PPP1R3B: variants seen among roughly 807,000 people sequenced by gnomAD.
The protein encoded by PPP1R3B is protein phosphatase 1 regulatory subunit 3B, also known as PP1 subunit R4.
A neutral mutation model predicts 14.6 loss-of-function variants in PPP1R3B; 8 were observed. The observed-to-expected ratio is 0.55, with a 90% CI of 0.32 to 0.99. PPP1R3B has a LOEUF of 0.99. Ranked by LOEUF, PPP1R3B falls within the 50% of genes least tolerant of loss-of-function variation. The pLI, the probability that PPP1R3B is intolerant of heterozygous loss-of-function variation, is 0.04. For missense variants in PPP1R3B, 452 were observed against 360.1 expected (o/e 1.26, Z -2.07); for synonymous variants, 169 against 142.0 (o/e 1.19, Z -1.35).
At position 9,138,680 on chromosome 8, in the gene PPP1R3B, C is replaced by G. The variant is rs926122594; in HGVS notation, c.*2114G>C. ...TGACAACTCTGCCTCCAAATCCAGG[C>G]AACTGTGCTTCCACTCCTCTTCTTG... On this transcript the variant is annotated 3_prime_UTR_variant, in exon 2 of 2. Transcript: ENST00000310455. The G allele has an allele frequency of 6.6e-6, 1 of 152,180 alleles. No individual in the cohort carries two copies. The highest frequency in any genetic ancestry group is 2.4e-5 in the African/African-American group (1 of 41,436). The allele number at this position is 152,180 out of a possible 1,614,324, so 9.4% of individuals were successfully genotyped here.
At chr8:9,145,521 A>T (rs1801214966) in intron 1 of PPP1R3B, 2 of 152,166 alleles carry the variant, frequency 1.3e-5, no homozygotes, top group Non-Finnish European at 2.9e-5. Context: ...TCGACTGTTG[A>T]TGTTATTGGT....
At chr8:9,147,983 T>C (rs1156955409) in intron 1 of PPP1R3B, among the ~76,000 whole-genome samples, 1 of 152,166 alleles carries the variant, frequency 6.6e-6, no homozygotes, top group African/African-American at 2.4e-5. Context: ...TTAACCTGTG[T>C]GGCCTCAATC....
At chr8:9,149,210 G>A (rs1196845241) in intron 1 of PPP1R3B, among the ~76,000 whole-genome samples, 3 of 85,656 alleles carry the variant, frequency 3.5e-5, no homozygotes, top group South Asian at 8.1e-4. Context: ...AAAAAAAAAG[G>A]CAAAAAAAGG....
At chr8:9,149,061 C>T (rs1327392625) in intron 1 of PPP1R3B, among the ~76,000 whole-genome samples, 1 of 148,514 alleles carries the variant, frequency 6.7e-6, no homozygotes, top group Non-Finnish European at 1.5e-5. Context: ...GGCGTGGCGG[C>T]GGGCGCCTGT....
intron 1 of PPP1R3B, among the ~76,000 whole-genome samples, chr8:9,144,647 G>A (rs572523823): frequency 1.3e-5 from 2 of 152,232 alleles, no homozygotes; most frequent in Non-Finnish European, 2.9e-5. Context: ...CACATTATAG[G>A]GGGAAAAAGA....
chr8:9,141,408 A>G lies in PPP1R3B; in HGVS notation c.244T>C (p.Phe82Leu), dbSNP rs748152095. The G allele has an allele frequency of 6.2e-7, 1 of 1,614,078 alleles. No homozygotes were observed. Among genetic ancestry groups the G allele is most frequent in the Non-Finnish European group, 8.5e-7 (1 of 1,180,046 alleles). Residue 82 changes from phenylalanine (F) to leucine (L), a missense_variant, in exon 2 of 2, where the codon TTC becomes CTC. Physicochemically the swap from Phe to Leu is conservative, Grantham distance 22. Coordinates refer to ENST00000310455, the MANE Select transcript of PPP1R3B (RefSeq NM_024607.4). ...ALTMVKVFSEFDDPLDMPFNI... is the reference protein window; with the variant it reads ...ALTMVKVFSELDDPLDMPFNI... ...AATGGCATATCTAGCGGGTCATCGA[A>G]TTCCGAGAACACTTTGACCATTGTC...
At chr8:9,150,089 C>T (rs1470559256) in intron 1 of PPP1R3B, among the ~76,000 whole-genome samples, 2 of 152,130 alleles carry the variant, frequency 1.3e-5, no homozygotes, top group Admixed American at 1.3e-4. Flanking sequence ...TTGTGTAAGT[C>T]CTCCAGCTGT....
In PPP1R3B at chr8:9,146,857, T is replaced by TA. The variant is rs942129511; in HGVS notation, c.-18+3705dup. 2.4e-3 allele frequency among the ~76,000 whole-genome samples: 366 copies of TA among 150,352 alleles called. 2 individuals are homozygous for TA. In the South Asian group the frequency reaches 0.025, roughly 10 times the overall value. On this transcript the variant is annotated intron_variant, in intron 1 of 1. Coordinates refer to ENST00000310455, the MANE Select transcript of PPP1R3B (RefSeq NM_024607.4). Reference sequence around the variant, plus strand: ...CACGGATTGACTAACAGGTTCAATGTAAAAAAAAAATCCTATACTTACAAA... The same window carrying TA: ...CACGGATTGACTAACAGGTTCAATGTAAAAAAAAAAATCCTATACTTACAAA...
Position 9,140,992 on chromosome 8 carries a change from C to G in PPP1R3B, c.660G>C (p.Thr220=), listed in dbSNP as rs778415951. The change falls in exon 2 of 2, where the codon ACG becomes ACC. Residue 220 remains threonine, a synonymous_variant. Coordinates refer to ENST00000310455, the MANE Select transcript of PPP1R3B (RefSeq NM_024607.4). ...TCTTGCCTCTGTTGCTGTCCCAGTA[C>G]GTCTGTCCATTGCACTCGTAGTACA... ...FAVYYECNGQ[T]YWDSNRGKNY... 1 of 1,614,172 alleles carries G rather than the reference C, an allele frequency of 6.2e-7. No homozygotes were observed. The highest frequency in any genetic ancestry group is 8.5e-7 in the Non-Finnish European group (1 of 1,180,014).
At position 9,141,570 on chromosome 8, in the gene PPP1R3B, G is replaced by T; in HGVS notation, c.82C>A (p.Pro28Thr). The T allele has an allele frequency of 6.2e-7, 1 of 1,614,106 alleles. No individual in the cohort carries two copies. Among genetic ancestry groups the T allele is most frequent in the Middle Eastern group, 1.6e-4 (1 of 6,062 alleles). The change falls in exon 2 of 2, where the codon CCA (proline) becomes ACA (threonine). Residue 28 changes from proline to threonine, a missense_variant. Physicochemically the swap from Pro to Thr is conservative, Grantham distance 38. Transcript: ENST00000310455. The part of the protein sequence containing the change: ...RQERFAFKIS[P>T]KPSKPLRPCI... ...GGCCTCAGTGGTTTGCTGGGCTTTG[G>T]TGAGATCTTAAAGGCAAACCTCTCT...
Position 9,138,658 on chromosome 8 carries a change from CA to C in PPP1R3B, c.*2135del. On this transcript the variant is annotated 3_prime_UTR_variant, in exon 2 of 2. Coordinates refer to ENST00000310455, the MANE Select transcript of PPP1R3B (RefSeq NM_024607.4). ...AAGACTCTTAGCTTGAAAAGCCTGACAACTCTGCCTCCAAATCCAGGCAACT... is the reference window on the plus strand; with the variant it reads ...AAGACTCTTAGCTTGAAAAGCCTGACACTCTGCCTCCAAATCCAGGCAACT... 1 of 152,332 alleles carries C rather than the reference CA, an allele frequency of 6.6e-6. No homozygotes were observed. Among genetic ancestry groups the C allele is most frequent in the South Asian group, 2.1e-4 (1 of 4,834 alleles). 9.4% of individuals were successfully genotyped at this position (152,332 alleles called of 1,614,324 possible).
rs1412986478 is a variant in PPP1R3B, at chr8:9,136,626, A to T, written c.*4168T>A. Reference sequence around the variant, plus strand: ...ACCAGGAAAAACTGCTCGTAACAACAGCTGTCCTTCCCAGTTCCACATGTG... The same window carrying T: ...ACCAGGAAAAACTGCTCGTAACAACTGCTGTCCTTCCCAGTTCCACATGTG... On this transcript the variant is annotated 3_prime_UTR_variant, in exon 2 of 2. Coordinates refer to ENST00000310455, the MANE Select transcript of PPP1R3B (RefSeq NM_024607.4). 2 of 152,260 alleles carry T rather than the reference A, an allele frequency of 1.3e-5. No homozygotes were observed. The highest frequency in any genetic ancestry group is 2.9e-5 in the Non-Finnish European group (2 of 68,052). The allele number at this position is 152,260 out of a possible 1,614,324, so 9.4% of individuals were successfully genotyped here.
At chr8:9,148,760 C>T (rs1296961056) in intron 1 of PPP1R3B, among the ~76,000 whole-genome samples, 1 of 152,228 alleles carries the variant, frequency 6.6e-6, no homozygotes, top group East Asian at 1.9e-4. Context: ...AACCCTATGA[C>T]CTTCACGGTT....
chr8:9,144,705 A>G (rs1255082178), intron 1 of PPP1R3B, among the ~76,000 whole-genome samples: 1 of 152,220 alleles, frequency 6.6e-6, no homozygotes, highest in African/African-American at 2.4e-5. Context: ...GTTAAATTAA[A>G]TGTACCACAT....
At chr8:9,143,218 A>G (rs1801142317) in intron 1 of PPP1R3B, among the ~76,000 whole-genome samples, 1 of 152,200 alleles carries the variant, frequency 6.6e-6, no homozygotes. Flanking sequence ...GTGTGACGTG[A>G]CATCTCATTG....
chr8:9,143,991 TAA>T (rs2117609078), intron 1 of PPP1R3B, among the ~76,000 whole-genome samples: 1 of 151,864 alleles, frequency 6.6e-6, no homozygotes, highest in East Asian at 1.9e-4. Context: ...AAAGCAATAA[TAA>T]AGTCAAATAT....
rs1211106619 is a variant in PPP1R3B at position 9,141,625 on chromosome 8, T to A, written c.27A>T (p.Arg9Ser). The change falls in exon 2 of 2, where the codon AGA (arginine) becomes AGT (serine). Residue 9 changes from arginine to serine, a missense_variant. Coordinates refer to ENST00000310455, the MANE Select transcript of PPP1R3B (RefSeq NM_024607.4). Reference protein sequence around the residue: MMAVDIEYRYNCMAPSLRQ... With the variant: MMAVDIEYSYNCMAPSLRQ... ...GCAAGGAAGGAGCCATGCAGTTGTA[T>A]CTGTACTCGATGTCCACAGCCATCA... 4 of 1,613,678 alleles carry A rather than the reference T, an allele frequency of 2.5e-6. No homozygotes were observed. The African/African-American group carries it at 5.3e-5, about 22-fold the overall frequency.
rs1222105415 is a variant in PPP1R3B at position 9,136,479 on chromosome 8, T to A, written c.*4315A>T. 6.6e-6 allele frequency: 1 copy of A among 152,226 alleles called. No individual in the cohort carries two copies. The highest frequency in any genetic ancestry group is 1.5e-5 in the Non-Finnish European group (1 of 68,046). 9.4% of individuals were successfully genotyped at this position (152,226 alleles called of 1,614,324 possible). A position where few individuals can be genotyped will look rare whatever the true frequency, so the allele number is the denominator to read the frequency against. The stretch of plus-strand genomic sequence containing the variant: ...TTCTACATTCACACTGAAGTAATAG[T>A]GAAACATCATCACAGCTGCACTCTC... On this transcript the variant is annotated 3_prime_UTR_variant, in exon 2 of 2. Coordinates refer to ENST00000310455, the MANE Select transcript of PPP1R3B (RefSeq NM_024607.4).
chr8:9,148,817 G>C (rs1182797028), intron 1 of PPP1R3B, among the ~76,000 whole-genome samples: 1 of 152,178 alleles, frequency 6.6e-6, no homozygotes, highest in Non-Finnish European at 1.5e-5. Flanking sequence ...TTCATAGGGA[G>C]GAAATCTTTT....
Sources: gnomAD v4.1 joint callset for allele counts (sites outside exome capture counted in the v4.1 genomes callset) on GRCh38, gnomAD v4.1.1 for gene constraint, MANE v1.5 for transcripts, NCBI Gene and HGNC (gene_info 2026-07-23, HGNC 2026-07-21) for gene names.